The following CSMD1 variants were observed in gnomAD, a reference collection of about 807,000 sequenced individuals.
CSMD1 encodes CUB and sushi domain-containing protein 1.
Under a neutral mutation model 417.5 loss-of-function variants are expected in CSMD1, and 213 were observed. The ratio of observed to expected loss-of-function variants is 0.51; its 90% confidence interval spans 0.46 to 0.57. The LOEUF is 0.57. CSMD1 is among the 20% of genes least tolerant of loss of function. The probability of loss-of-function intolerance (pLI) is 0.00; values close to 1 mark genes in which losing one functional copy is unlikely to be tolerated. For synonymous variants in CSMD1, 2,862 were observed against 1,736.8 expected (o/e 1.65, Z -16.11); for missense variants, 6,923 against 4,529.7 (o/e 1.53, Z -15.17).
intron 6 of CSMD1, among the ~76,000 whole-genome samples, chr8:3,733,205 ACTCTCT>A (rs1388960983): frequency 1.1e-5 from 1 of 87,090 alleles, no homozygotes; most frequent in African/African-American, 5.7e-5. Flanking sequence ...ACACACACAC[ACTCTCT>A]CTCTCTCATA....
At position 3,271,197 on chromosome 8, in the gene CSMD1, C is replaced by T. The variant is rs191117826; in HGVS notation, c.4153+12947G>A. 1.2e-3 allele frequency among the ~76,000 whole-genome samples: 179 copies of T among 150,850 alleles called. 2 individuals carry two copies. Among genetic ancestry groups the T allele is most frequent in the Middle Eastern group, 6.8e-3 (2 of 294 alleles). On this transcript the variant is annotated intron_variant, in intron 26 of 69. Coordinates refer to ENST00000635120, the MANE Select transcript of CSMD1 (RefSeq NM_033225.6). Reference sequence around the variant, plus strand: ...TGCGGTGTTTGGTTTTTTGTTCTTGCGATAGTTTACTGAGAATGATGATTT... The same window carrying T: ...TGCGGTGTTTGGTTTTTTGTTCTTGTGATAGTTTACTGAGAATGATGATTT...
chr8:3,278,206 A>AG (rs1397951508), intron 26 of CSMD1, among the ~76,000 whole-genome samples: 12 of 152,210 alleles, frequency 7.9e-5, no homozygotes, highest in Non-Finnish European at 1.6e-4. Flanking sequence ...AGAGAGAGTC[A>AG]AATAAGTGTT....
chr8:4,085,209 C>G (rs560251967), intron 3 of CSMD1, among the ~76,000 whole-genome samples: 15 of 152,210 alleles, frequency 9.9e-5, no homozygotes, highest in African/African-American at 3.6e-4. Flanking sequence ...TTCAGCCCAG[C>G]TAGACATGAA....
intron 1 of CSMD1, among the ~76,000 whole-genome samples, chr8:4,666,059 G>A (rs540728137): frequency 6.6e-6 from 1 of 152,182 alleles, no homozygotes; most frequent in Admixed American, 6.5e-5. Context: ...ATAGTAACTG[G>A]CACATAGGAC....
chr8:3,830,260 A>C (rs17067712), intron 5 of CSMD1, among the ~76,000 whole-genome samples: 5,889 of 152,336 alleles, frequency 0.039, 171 homozygotes, highest in Non-Finnish European at 0.061. Flanking sequence ...AGCAAAAATC[A>C]GCACAGTTAG....
chr8:4,648,737 G>C (rs1048737419), intron 1 of CSMD1, among the ~76,000 whole-genome samples: 1 of 152,142 alleles, frequency 6.6e-6, no homozygotes, highest in African/African-American at 2.4e-5. Context: ...TTTAGGAAGA[G>C]AATTTGTGGG....
intron 1 of CSMD1, among the ~76,000 whole-genome samples, chr8:4,758,633 C>G (rs761444920): frequency 3.3e-5 from 5 of 152,164 alleles, no homozygotes; most frequent in Non-Finnish European, 5.9e-5. Flanking sequence ...TTCCACATGG[C>G]TGGGGAGGCC....
intron 1 of CSMD1, among the ~76,000 whole-genome samples, chr8:4,898,259 C>T (rs1019310421): frequency 1.8e-4 from 28 of 151,968 alleles, no homozygotes; most frequent in Non-Finnish European, 3.7e-4. Flanking sequence ...GATGACTTGC[C>T]CGTTTTAGGC....
At chr8:3,933,969 G>T (rs546589533) in intron 5 of CSMD1, among the ~76,000 whole-genome samples, 1 of 152,008 alleles carries the variant, frequency 6.6e-6, no homozygotes, top group Non-Finnish European at 1.5e-5. Flanking sequence ...CCACACAGTC[G>T]GGCTAGTGAA....
At chr8:4,367,358 C>G (rs935428027) in intron 3 of CSMD1, among the ~76,000 whole-genome samples, 27 of 152,062 alleles carry the variant, frequency 1.8e-4, no homozygotes, top group African/African-American at 5.1e-4. Flanking sequence ...TGTCAAAGAT[C>G]ACGTGATTGT....
intron 7 of CSMD1, among the ~76,000 whole-genome samples, chr8:3,663,256 G>A (rs187736532): frequency 6.6e-6 from 1 of 152,280 alleles, no homozygotes; most frequent in East Asian, 1.9e-4. Context: ...CCATGAAAGT[G>A]AGAGAGTGCT....
rs1307890659 is a variant in CSMD1, at chr8:3,290,548, G to T, written c.3951-6202C>A. Among the ~76,000 whole-genome samples, 2 of 145,818 alleles carry T rather than the reference G, an allele frequency of 1.4e-5. 1 individual carries two copies. Among genetic ancestry groups the T allele is most frequent in the African/African-American group, 5.5e-5 (2 of 36,066 alleles). On this transcript the variant is annotated intron_variant, in intron 25 of 69. Coordinates refer to ENST00000635120, the MANE Select transcript of CSMD1 (RefSeq NM_033225.6). ...CTTGAAGAGGTCCTTCACATCCCTTGTAAGTTGGATTGCTAGGTATTTTGT... is the reference window on the plus strand; with the variant it reads ...CTTGAAGAGGTCCTTCACATCCCTTTTAAGTTGGATTGCTAGGTATTTTGT...
intron 1 of CSMD1, among the ~76,000 whole-genome samples, chr8:4,917,490 C>T (rs369274102): frequency 6.6e-6 from 1 of 151,978 alleles, no homozygotes; most frequent in African/African-American, 2.4e-5. Context: ...AAAAATTAGC[C>T]GGGCATGGTG....
At chr8:4,224,190 T>A (rs1168910721) in intron 3 of CSMD1, among the ~76,000 whole-genome samples, 1 of 151,520 alleles carries the variant, frequency 6.6e-6, no homozygotes, top group Admixed American at 6.6e-5. Flanking sequence ...AAGTGAAAGT[T>A]ATGCAAAGCG....
chr8:4,647,844 C>G (rs1390041650), intron 1 of CSMD1, among the ~76,000 whole-genome samples: 1 of 152,112 alleles, frequency 6.6e-6, no homozygotes, highest in Admixed American at 6.5e-5. Context: ...GGTTCCAAGT[C>G]TTTGCTATTG....
At position 4,562,430 on chromosome 8, in the gene CSMD1, G is replaced by A. The variant is rs552597600; in HGVS notation, c.302+74912C>T. 4.6e-5 allele frequency among the ~76,000 whole-genome samples: 7 copies of A among 152,248 alleles called. No homozygotes were observed. The East Asian group carries it at 7.7e-4, about 17-fold the overall frequency. ...AATTATTTTAATTCTTTAATCAGAA[G>A]AAGTTGAAGTTATAATTCAACTCAA... On this transcript the variant is annotated intron_variant, in intron 2 of 69. Transcript: ENST00000635120.
At position 4,602,471 on chromosome 8, in the gene CSMD1, G is replaced by A. The variant is rs987849111; in HGVS notation, c.302+34871C>T. ...GGACAGCTGAAACCTTATTTAATAT[G>A]GCCAGAGCTGTCCAGCACATCTCAG... is the stretch of plus-strand genomic sequence containing the variant. On this transcript the variant is annotated intron_variant, in intron 2 of 69. Transcript: ENST00000635120. 4.6e-5 allele frequency among the ~76,000 whole-genome samples: 7 copies of A among 152,100 alleles called. No homozygotes were observed. In the East Asian group the frequency reaches 1.4e-3, roughly 29 times the overall value.
chr8:4,479,644 C>T (rs754682313), intron 2 of CSMD1, among the ~76,000 whole-genome samples: 1 of 151,962 alleles, frequency 6.6e-6, no homozygotes, highest in Non-Finnish European at 1.5e-5. Context: ...GCCTGTAATC[C>T]CAGCACTTTG....
chr8:3,211,376 A>G (rs1198759899), intron 30 of CSMD1, among the ~76,000 whole-genome samples: 3 of 152,124 alleles, frequency 2.0e-5, no homozygotes, highest in African/African-American at 2.4e-5. Context: ...GTCTGTGTTC[A>G]TGTAGTAATT....
Sources: gnomAD v4.1 joint callset for allele counts (sites outside exome capture counted in the v4.1 genomes callset) on GRCh38, gnomAD v4.1.1 for gene constraint, MANE v1.5 for transcripts, NCBI Gene and HGNC (gene_info 2026-07-23, HGNC 2026-07-21) for gene names.